Variants in ITGAL observed in about 807,000 individuals in gnomAD.
ITGAL encodes integrin alpha-L.
In ITGAL, 68 loss-of-function variants were observed where a neutral mutation model predicts 138.4. That is an observed-to-expected ratio of 0.49 (90% confidence interval 0.40 to 0.60). ITGAL has a LOEUF of 0.60. Among genes scored for constraint, ITGAL ranks in the 20% least tolerant of loss-of-function variants. The pLI, the probability that ITGAL is intolerant of heterozygous loss-of-function variation, is 0.00. For missense variants in ITGAL, 1,256 were observed against 1,478.6 expected (o/e 0.85, Z 2.47); for synonymous variants, 561 against 584.3 (o/e 0.96, Z 0.57).
At chr16:30,518,778 A>G in intron 29 of ITGAL, 59 bp downstream of exon 29, 1 of 1,267,858 alleles carries the variant, frequency 7.9e-7, no homozygotes, top group African/African-American at 1.5e-5. Flanking sequence ...CAGGAGCCCC[A>G]GGGCAGACCT....
At position 30,522,565 on chromosome 16, in the gene ITGAL, C is replaced by T. The variant is rs1429666370; in HGVS notation, c.*900C>T. 2 of 152,042 alleles carry T rather than the reference C, an allele frequency of 1.3e-5. No individual in the cohort carries two copies. The highest frequency in any genetic ancestry group is 4.8e-5 in the African/African-American group (2 of 41,364). 9.4% of individuals were successfully genotyped at this position (152,042 alleles called of 1,614,324 possible). On this transcript the variant is annotated 3_prime_UTR_variant, in exon 31 of 31. Transcript: ENST00000356798. This position sits in a 1 kb window ranked among gnomAD's most constrained non-coding sequence, Gnocchi z 4.0. ...TAAAGGCTATACTTGTCTTGTTCAC[C>T]TTGGGATGATGCCTCATGATATGTC... is the stretch of plus-strand genomic sequence containing the variant.
In ITGAL at chr16:30,496,808, AT is replaced by A. The variant is rs11432747; in HGVS notation, c.1832+258del. 7.5e-4 allele frequency among the ~76,000 whole-genome samples: 103 copies of A among 137,818 alleles called. 1 individual carries two copies. Among genetic ancestry groups the A allele is most frequent in the African/African-American group, 6.7e-4 (25 of 37,166 alleles). 90.4% of individuals were successfully genotyped at this position (137,818 alleles called of 152,430 possible). A position where few individuals can be genotyped will look rare whatever the true frequency, so the allele number is the denominator to read the frequency against. On this transcript the variant is annotated intron_variant, in intron 15 of 30. Transcript: ENST00000356798. ...AGGTGCTCGCCACCACACCTGGCTA[AT>A]TTTTTTTTTTTTTTTGGTAGCAATG...
intron 17 of ITGAL, among the ~76,000 whole-genome samples, chr16:30,501,387 C>T (rs1371387243): frequency 1.3e-5 from 2 of 151,712 alleles, no homozygotes; most frequent in African/African-American, 4.8e-5. Context: ...ACCAGCCTGG[C>T]CAACATGGAG....
intron 15 of ITGAL, 84 bp downstream of exon 15, chr16:30,496,650 G>T (rs973088832): frequency 2.6e-5 from 34 of 1,300,870 alleles, no homozygotes; most frequent in South Asian, 1.9e-4. Context: ...ATTTATTTTG[G>T]TTTTTTTTAG....
chr16:30,496,696 C>T (rs2050805788), intron 15 of ITGAL, 130 bp downstream of exon 15: 2 of 814,192 alleles, frequency 2.5e-6, no homozygotes, highest in Non-Finnish European at 1.8e-6. Context: ...GGCTGGAGTG[C>T]AGTGGCATGA....
At chr16:30,510,786 T>A (rs1313969619) in intron 22 of ITGAL, 95 bp from the exon 23 acceptor site, 7 of 1,019,224 alleles carry the variant, frequency 6.9e-6, no homozygotes, top group Non-Finnish European at 1.1e-5. Flanking sequence ...GAGCACTTGA[T>A]AAGGGGTCCC....
Position 30,499,183 on chromosome 16 carries a change from G to A in ITGAL, c.1942G>A (p.Val648Ile), listed in dbSNP as rs773087754. ...AACCAGTAACAAGATGAAAGAAGGAGTTAATATCACAATCTGTTTCCAGAT... is the reference window on the plus strand; with the variant it reads ...AACCAGTAACAAGATGAAAGAAGGAATTAATATCACAATCTGTTTCCAGAT... ...YSTSNKMKEG[V>I]NITICFQIKS... Residue 648 changes from valine (V) to isoleucine (I), a missense_variant, in exon 16 of 31, where the codon GTT becomes ATT. Val to Ile is a conservative substitution (Grantham distance 29). Around this residue, in one of 3 missense-constraint regions of ITGAL, gnomAD observed 867 missense variants for 972.5 expected, o/e 0.89. Transcript: ENST00000356798. 5 of 1,614,182 alleles carry A rather than the reference G, an allele frequency of 3.1e-6. No homozygotes were observed. The highest frequency in any genetic ancestry group is 3.4e-6 in the Non-Finnish European group (4 of 1,180,038).
At chr16:30,479,648 C>CGTTTT (rs2050524971) in intron 6 of ITGAL, among the ~76,000 whole-genome samples, 187 bp downstream of exon 6, 1 of 72,830 alleles carries the variant, frequency 1.4e-5, no homozygotes, top group Non-Finnish European at 2.5e-5. Flanking sequence ...TTCTCATTTC[C>CGTTTT]TTTTTTTTTT....
chr16:30,514,838 T>G (rs910752346), intron 25 of ITGAL, among the ~76,000 whole-genome samples: 1 of 151,100 alleles, frequency 6.6e-6, no homozygotes, highest in Non-Finnish European at 1.5e-5. Context: ...TTTTTTTTTT[T>G]TTTTGAGGTA....
At chr16:30,484,392 T>G (rs937406622) in intron 9 of ITGAL, 129 bp downstream of exon 9, 1 of 834,398 alleles carries the variant, frequency 1.2e-6, no homozygotes, top group Admixed American at 2.5e-5. Flanking sequence ...GTGGATCAAT[T>G]GAGCTCAGGA....
rs200994085 is a variant in ITGAL at position 30,517,657 on chromosome 16, C to T, written c.2985C>T (p.Pro995=). 109 of 1,613,938 alleles carry T rather than the reference C, an allele frequency of 6.8e-5. No homozygotes were observed. Among genetic ancestry groups the T allele is most frequent in the Admixed American group, 2.7e-4 (16 of 60,012 alleles). Residue 995 remains proline, a synonymous_variant, in exon 27 of 31, where the codon CCC becomes CCT. Coordinates refer to ENST00000356798, the MANE Select transcript of ITGAL (RefSeq NM_002209.3). The stretch of plus-strand genomic sequence containing the variant: ...CTGCCGCTTGTTCCTAGGAGCCTCC[C>T]GTGCCCTGCCACTATGAGGATCTGG... ...THQWSVQMEP[P]VPCHYEDLER...
chr16:30,477,662 G>A (rs1315846601), intron 4 of ITGAL, among the ~76,000 whole-genome samples: 2 of 151,900 alleles, frequency 1.3e-5, no homozygotes, highest in Non-Finnish European at 2.9e-5. Flanking sequence ...GCCGAGACAG[G>A]TGGATCGCTT....
chr16:30,517,503 A>C (rs1468543211), intron 26 of ITGAL, 146 bp from the exon 27 acceptor site: 7 of 686,198 alleles, frequency 1.0e-5, no homozygotes, highest in Non-Finnish European at 1.8e-5. Flanking sequence ...GTGTATGGAG[A>C]GTAAGGATGG....
intron 9 of ITGAL, among the ~76,000 whole-genome samples, chr16:30,488,702 CAAAAAAAAAAAAAAAA>C (rs34533619): frequency 1.7e-5 from 1 of 57,698 alleles, no homozygotes; most frequent in Non-Finnish European, 3.3e-5. Flanking sequence ...GACTCCATCT[CAAAAAAAAAAAAAAAA>C]AAAAAAAAAT....
intron 20 of ITGAL, among the ~76,000 whole-genome samples, chr16:30,506,262 TAA>T (rs59616156): frequency 1.7e-4 from 19 of 111,324 alleles, no homozygotes; most frequent in African/African-American, 3.4e-4. Flanking sequence ...TCTGTCTCAA[TAA>T]AAAAAAAAAA....
intron 17 of ITGAL, among the ~76,000 whole-genome samples, chr16:30,499,713 G>GTATATATATGTGTATATATATATATGTT (rs1555507158): frequency 9.7e-6 from 1 of 103,226 alleles, no homozygotes; most frequent in African/African-American, 4.5e-5. Flanking sequence ...ATATATATAT[G>GTATATATATGTGTATATATATATATGTT]TATATATATA....
At chr16:30,504,985 C>T (rs918677010) in intron 18 of ITGAL, 11 of 262,074 alleles carry the variant, frequency 4.2e-5, no homozygotes, top group Admixed American at 5.2e-5. Context: ...TGTGCCACTG[C>T]ACTCCAGCCT....
At position 30,485,280 on chromosome 16, in the gene ITGAL, G is replaced by GCAGTGGCGCAGTCTCTGCTCACTGCAGTA. The variant is rs1177294284; in HGVS notation, c.1006+1043_1006+1044insGTACAGTGGCGCAGTCTCTGCTCACTGCA. Among the ~76,000 whole-genome samples, 17 of 150,834 alleles carry GCAGTGGCGCAGTCTCTGCTCACTGCAGTA rather than the reference G, an allele frequency of 1.1e-4. No individual in the cohort carries two copies. The East Asian group carries it at 3.1e-3, about 28-fold the overall frequency. ...CTTGCTCTGTTGCCCAGGCTGGAGT[G>GCAGTGGCGCAGTCTCTGCTCACTGCAGTA]CAGTGGCGCAGTCTCTGCTCACTGC... On this transcript the variant is annotated intron_variant, in intron 9 of 30. Transcript: ENST00000356798.
intron 9 of ITGAL, 34 bp downstream of exon 9, chr16:30,484,297 T>G (rs771875566): frequency 6.3e-7 from 1 of 1,593,526 alleles, no homozygotes; most frequent in East Asian, 2.2e-5. Flanking sequence ...GGCTCGGGAG[T>G]CTGCATAAAG....
Sources: gnomAD v4.1 joint callset for allele counts (sites outside exome capture counted in the v4.1 genomes callset) on GRCh38, gnomAD v4.1.1 for gene constraint, gnomAD v4.1.1 regional missense constraint, Gnocchi (gnomAD v3.1) non-coding constraint, MANE v1.5 for transcripts, NCBI Gene and HGNC (gene_info 2026-07-23, HGNC 2026-07-21) for gene names.